The following PEX6 variants were observed in gnomAD, a reference collection of about 807,000 sequenced individuals.
The protein encoded by PEX6 is peroxisomal biogenesis factor 6, also known as peroxisome biogenesis factor 6.
PEX6 carries 55 observed loss-of-function variants against 85.6 expected under a neutral mutation model. The observed-to-expected ratio is 0.64, with a 90% CI of 0.52 to 0.80. The LOEUF is 0.80. PEX6 is among the 30% of genes least tolerant of loss of function. PEX6 has a pLI of 0.00. For synonymous variants in PEX6, 519 were observed against 549.1 expected (o/e 0.95, Z 0.77); for missense variants, 1,099 against 1,260.3 (o/e 0.87, Z 1.94).
rs1189301950 is a variant in PEX6, at chr6:42,966,522, C to T, written c.2094+3G>A. ...GTCCCACCTCCAAGGACTTGGTCTC[C>T]ACCTTGGGGGCTCCAACGGCCTGGG... On this transcript the variant is annotated splice_donor_region_variant and intron_variant, in intron 10 of 16. Coordinates refer to ENST00000304611, the MANE Select transcript of PEX6 (RefSeq NM_000287.4). The T allele has an allele frequency of 2.5e-6, 4 of 1,614,048 alleles. No homozygotes were observed. In the South Asian group the frequency reaches 4.4e-5, roughly 18 times the overall value.
At chr6:42,974,195 G>T in intron 2 of PEX6, 109 bp from the exon 3 acceptor site, 2 of 813,548 alleles carry the variant, frequency 2.5e-6, no homozygotes, top group Non-Finnish European at 2.1e-6. Context: ...TCTACTGCCC[G>T]CCCAGAGATC....
intron 2 of PEX6, 35 bp downstream of exon 2, chr6:42,974,840 A>G: frequency 6.3e-7 from 1 of 1,580,452 alleles, no homozygotes; most frequent in East Asian, 2.2e-5. Context: ...AATGAGGGTG[A>G]GAAGCTATCC....
chr6:42,970,461 C>T (rs1048537251), intron 3 of PEX6, among the ~76,000 whole-genome samples: 2 of 152,234 alleles, frequency 1.3e-5, no homozygotes, highest in African/African-American at 4.8e-5. Flanking sequence ...AATAATGGTT[C>T]TGTATTCTGG....
intron 1 of PEX6, among the ~76,000 whole-genome samples, chr6:42,977,252 T>C (rs6935038): frequency 0.053 from 1,241 of 23,570 alleles, 51 homozygotes; most frequent in African/African-American, 0.37. Context: ...GAAACCTCAC[T>C]TTTTTTTTTT....
intron 10 of PEX6, 28 bp downstream of exon 10, chr6:42,966,497 G>A (rs770396448): frequency 1.2e-6 from 2 of 1,614,134 alleles, no homozygotes; most frequent in Non-Finnish European, 1.7e-6. Context: ...AGGGGCTCCT[G>A]TCCCACCTCC....
At position 42,964,289 on chromosome 6, in the gene PEX6, G is replaced by A. The variant is rs758175389; in HGVS notation, c.*46C>T. ...CCCAGATCTCTCTGTGGGCTATCAA[G>A]GTACCTGCAGCCATGCTGAGCGGGG... On this transcript the variant is annotated 3_prime_UTR_variant, in exon 17 of 17. Transcript: ENST00000304611. The surrounding 1 kb of genome is among the most constrained non-coding windows in gnomAD (Gnocchi z 4.6). The A allele has an allele frequency of 3.7e-6, 6 of 1,610,116 alleles. No homozygotes were observed. The highest frequency in any genetic ancestry group is 5.1e-6 in the Non-Finnish European group (6 of 1,177,464).
Position 42,966,644 on chromosome 6 carries a change from A to C in PEX6, c.1975T>G (p.Leu659Val), listed in dbSNP as rs1769819911. ...AGCTCCCCCTCATCCTCCTCAGTCAAGCCACCTGCCAAACTGCAAAGAGGA... is the reference window on the plus strand; with the variant it reads ...AGCTCCCCCTCATCCTCCTCAGTCACGCCACCTGCCAAACTGCAAAGAGGA... Reference protein sequence around the residue: ...RIKNSGLAGGLTEEDEGELCA... With the variant: ...RIKNSGLAGGVTEEDEGELCA... The change falls in exon 10 of 17, where the codon TTG (leucine) becomes GTG (valine). Residue 659 changes from leucine to valine, a missense_variant. Coordinates refer to ENST00000304611, the MANE Select transcript of PEX6 (RefSeq NM_000287.4). 1 of 1,614,168 alleles carries C rather than the reference A, an allele frequency of 6.2e-7. No homozygotes were observed. The highest frequency in any genetic ancestry group is 8.5e-7 in the Non-Finnish European group (1 of 1,180,040).
chr6:42,965,761 T>C lies in PEX6; in HGVS notation c.2391A>G (p.Pro797=). The part of the protein sequence containing the change: ...EVFARARAAA[P]CIIFFDELDS... ...CCAGTTCATCAAAGAAGATAATGCA[T>C]GGAGCTGCAGCCCTGGCCCTGGCAA... The change falls in exon 13 of 17, where the codon CCA becomes CCG. Residue 797 remains proline, a synonymous_variant. Transcript: ENST00000304611. The surrounding 1 kb of genome is among the most constrained non-coding windows in gnomAD (Gnocchi z 5.0). 1 of 1,614,086 alleles carries C rather than the reference T, an allele frequency of 6.2e-7. No individual in the cohort carries two copies. The highest frequency in any genetic ancestry group is 8.5e-7 in the Non-Finnish European group (1 of 1,179,982).
At chr6:42,974,385 TCTC>T (rs1051959384) in intron 2 of PEX6, among the ~76,000 whole-genome samples, 6 of 151,990 alleles carry the variant, frequency 3.9e-5, no homozygotes, top group African/African-American at 9.7e-5. Context: ...GGTTCAGATT[TCTC>T]TTCTGTGGTC....
rs2274515 is a variant in PEX6 at position 42,965,788 on chromosome 6, C to T, written c.2364G>A (p.Val788=). 0.062 allele frequency: 100,172 copies of T among 1,612,834 alleles called. 4,649 individuals carry two copies. The highest frequency in any genetic ancestry group is 0.19 in the Admixed American group (11,473 of 60,000). Residue 788 remains valine, a splice_region_variant and synonymous_variant, in exon 13 of 17, where the codon GTG becomes GTA. Coordinates refer to ENST00000304611, the MANE Select transcript of PEX6 (RefSeq NM_000287.4). This position sits in a 1 kb window ranked among gnomAD's most constrained non-coding sequence, Gnocchi z 5.0. ...GAGCTGCAGCCCTGGCCCTGGCAAACACTGAAGAGAGAGAGGGGCCCACAG... is the reference window on the plus strand; with the variant it reads ...GAGCTGCAGCCCTGGCCCTGGCAAATACTGAAGAGAGAGAGGGGCCCACAG... The part of the protein sequence containing the change: ...VGQSEENVRE[V]FARARAAAPC...
intron 7 of PEX6, 113 bp from the exon 8 acceptor site, chr6:42,967,676 G>C (rs1020959850): frequency 1.0e-5 from 9 of 898,832 alleles, no homozygotes; most frequent in Non-Finnish European, 1.4e-5. Context: ...GTGCTAGGAT[G>C]GGGTAGGGAG....
intron 5 of PEX6, 57 bp downstream of exon 5, chr6:42,969,611 C>A: frequency 1.2e-6 from 2 of 1,608,714 alleles, no homozygotes; most frequent in African/African-American, 2.7e-5. Flanking sequence ...GCTGCTGCTC[C>A]TCCAGGGATG....
intron 1 of PEX6, among the ~76,000 whole-genome samples, chr6:42,976,652 T>A (rs1770312077): frequency 6.6e-6 from 1 of 151,800 alleles, no homozygotes; most frequent in Non-Finnish European, 1.5e-5. Context: ...CATGAGCCAC[T>A]GCGCCTGGCC....
rs1770408957 is a variant in PEX6 at position 42,978,511 on chromosome 6, C to T, written c.640G>A (p.Gly214Ser). The stretch of plus-strand genomic sequence containing the variant: ...CATTCGCCCTGGAAGAGGCCAAGGC[C>T]ACGGAGACAGCTCCGGCTCACCCCT... The part of the protein sequence containing the change: ...SLGVSRSCLR[G>S]LGLFQGEWVW... The change falls in exon 1 of 17, where the codon GGC becomes AGC. Residue 214 changes from glycine (G) to serine (S), a missense_variant. Coordinates refer to ENST00000304611, the MANE Select transcript of PEX6 (RefSeq NM_000287.4). The T allele has an allele frequency of 6.2e-7, 1 of 1,614,176 alleles. No individual in the cohort carries two copies. The highest frequency in any genetic ancestry group is 1.3e-5 in the African/African-American group (1 of 75,052).
At chr6:42,972,789 G>C (rs72866091) in intron 3 of PEX6, among the ~76,000 whole-genome samples, 1,606 of 37,500 alleles carry the variant, frequency 0.043, 44 homozygotes, top group African/African-American at 0.24. Flanking sequence ...AAAAAAAAAA[G>C]AGAAATCCCT....
At chr6:42,976,574 G>C (rs1770308766) in intron 1 of PEX6, among the ~76,000 whole-genome samples, 1 of 151,942 alleles carries the variant, frequency 6.6e-6, no homozygotes, top group African/African-American at 2.4e-5. Flanking sequence ...TGTAGGCCAG[G>C]CTGGTCTCGA....
chr6:42,964,061 C>A lies in PEX6; in HGVS notation c.*274G>T. ...CCACAGAACTAGCCCTCTCAGGGCC[C>A]AATCCCCAGAACCCAAGGCCCTGGC... On this transcript the variant is annotated 3_prime_UTR_variant, in exon 17 of 17. Transcript: ENST00000304611. The surrounding 1 kb of genome is among the most constrained non-coding windows in gnomAD (Gnocchi z 4.6). The A allele has an allele frequency of 1.7e-6, 1 of 581,110 alleles. No individual in the cohort carries two copies. The highest frequency in any genetic ancestry group is 3.0e-5 in the Admixed American group (1 of 33,242). The allele number at this position is 581,110 out of a possible 1,614,324, so 36.0% of individuals were successfully genotyped here. A position where few individuals can be genotyped will look rare whatever the true frequency, so the allele number is the denominator to read the frequency against.
At chr6:42,967,086 C>T (rs747539941) in intron 8 of PEX6, among the ~76,000 whole-genome samples, 11 of 151,204 alleles carry the variant, frequency 7.3e-5, no homozygotes, top group Non-Finnish European at 1.3e-4. Context: ...TATCTCACCT[C>T]AGCCTCCCAA....
Position 42,965,164 on chromosome 6 carries a change from T to C in PEX6, c.2589-12A>G, listed in dbSNP as rs765199641. On this transcript the variant is annotated splice_polypyrimidine_tract_variant and intron_variant, in intron 14 of 16. Coordinates refer to ENST00000304611, the MANE Select transcript of PEX6 (RefSeq NM_000287.4). This position sits in a 1 kb window ranked among gnomAD's most constrained non-coding sequence, Gnocchi z 5.0. ...CCAGCTTGTCAAATCTTTAGGGAGATAGGCAGGTATAAGTTTCAGGGAGCC... is the reference window on the plus strand; with the variant it reads ...CCAGCTTGTCAAATCTTTAGGGAGACAGGCAGGTATAAGTTTCAGGGAGCC... 1 of 1,613,894 alleles carries C rather than the reference T, an allele frequency of 6.2e-7. No individual in the cohort carries two copies. Among genetic ancestry groups the C allele is most frequent in the Non-Finnish European group, 8.5e-7 (1 of 1,179,806 alleles).
Sources: gnomAD v4.1 joint callset for allele counts (sites outside exome capture counted in the v4.1 genomes callset) on GRCh38, gnomAD v4.1.1 for gene constraint, Gnocchi (gnomAD v3.1) non-coding constraint, MANE v1.5 for transcripts, NCBI Gene and HGNC (gene_info 2026-07-23, HGNC 2026-07-21) for gene names.